Variants in KIDINS220 observed in about 807,000 individuals in gnomAD.
KIDINS220 encodes kinase D-interacting substrate of 220 kDa.
A neutral mutation model predicts 157.6 loss-of-function variants in KIDINS220; 63 were observed. The observed-to-expected ratio is 0.40, with a 90% confidence interval of 0.33 to 0.49. The LOEUF (loss-of-function observed/expected upper bound fraction) is 0.49, where lower values mean the gene tolerates loss of function less well. Among genes scored for constraint, KIDINS220 ranks in the 20% least tolerant of loss-of-function variants. The pLI, the probability that KIDINS220 is intolerant of heterozygous loss-of-function variation, is 0.66. For synonymous variants in KIDINS220, 732 were observed against 783.6 expected (o/e 0.93, Z 1.10); for missense variants, 1,772 against 2,171.2 (o/e 0.82, Z 3.65).
chr2:8,835,659 CAAAAA>C (rs56986834), intron 1 of KIDINS220, among the ~76,000 whole-genome samples: 1 of 87,264 alleles, frequency 1.1e-5, no homozygotes. Context: ...GACCCTGTCT[CAAAAA>C]AAAAAAAAAA....
chr2:8,724,987 A>C (rs1214042408), downstream of KIDINS220: 1 of 152,166 alleles, frequency 6.6e-6, no homozygotes, highest in East Asian at 1.9e-4. The surrounding 1 kb of genome is among the most constrained non-coding windows in gnomAD (Gnocchi z 4.6). Flanking sequence ...TTGGTCTAAA[A>C]GATATCTCGA....
intron 2 of KIDINS220, among the ~76,000 whole-genome samples, chr2:8,825,464 T>G (rs1235614279): frequency 6.6e-6 from 1 of 151,704 alleles, no homozygotes; most frequent in Non-Finnish European, 1.5e-5. Flanking sequence ...ATGGTTAAGA[T>G]AGTAAAGACA....
chr2:8,729,448 T>C lies in KIDINS220; in HGVS notation c.*1272A>G, dbSNP rs1035615046. 3.0e-6 allele frequency: 3 copies of C among 985,350 alleles called. No homozygotes were observed. Among genetic ancestry groups the C allele is most frequent in the African/African-American group, 1.7e-5 (1 of 57,266 alleles). The allele number at this position is 985,350 out of a possible 1,614,324, so 61.0% of individuals were successfully genotyped here. ...GAATTCATTCTACATAAATGAGCTA[T>C]GTTAAAACGATAACAATATTTCATT... On this transcript the variant is annotated 3_prime_UTR_variant, in exon 30 of 30. Transcript: ENST00000256707.
At chr2:8,820,049 C>A (rs866736721) in intron 2 of KIDINS220, among the ~76,000 whole-genome samples, 9 of 152,190 alleles carry the variant, frequency 5.9e-5, no homozygotes, top group Admixed American at 1.3e-4. Flanking sequence ...CTGCTTCAAA[C>A]CCTTCAATGT....
chr2:8,747,428 T>C, intron 25 of KIDINS220: 1 of 557,626 alleles, frequency 1.8e-6, no homozygotes. Context: ...TTTCTTAGAT[T>C]CAATAGTTCA....
Position 8,836,330 on chromosome 2 carries a change from T to A in KIDINS220, c.-37+1150A>T, listed in dbSNP as rs577318412. 2.6e-5 allele frequency among the ~76,000 whole-genome samples: 4 copies of A among 152,272 alleles called. No individual in the cohort carries two copies. The East Asian group carries it at 7.7e-4, about 29-fold the overall frequency. On this transcript the variant is annotated intron_variant, in intron 1 of 29. Coordinates refer to ENST00000256707, the MANE Select transcript of KIDINS220 (RefSeq NM_020738.4). ...TGAATTTGAAGTGTCCCAAAAGAAC[T>A]AGGTTGGAGAAACCCACCCAATACT...
chr2:8,782,908 A>C (rs1417175524), intron 17 of KIDINS220, among the ~76,000 whole-genome samples: 1 of 152,152 alleles, frequency 6.6e-6, no homozygotes, highest in Non-Finnish European at 1.5e-5. Flanking sequence ...ACTTCAACAG[A>C]CTAGGCTGGG....
chr2:8,786,136 A>T, intron 16 of KIDINS220, 70 bp downstream of exon 16: 1 of 1,592,118 alleles, frequency 6.3e-7, no homozygotes, highest in Non-Finnish European at 8.6e-7. Flanking sequence ...GTGTGTTTTC[A>T]TGAAAATAAA....
chr2:8,735,252 C>A (rs945553499), intron 27 of KIDINS220, among the ~76,000 whole-genome samples: 3 of 152,200 alleles, frequency 2.0e-5, no homozygotes, highest in African/African-American at 4.8e-5. Flanking sequence ...ATTCACAAGG[C>A]CCGGCGCGGT....
Position 8,733,615 on chromosome 2 carries a change from G to A in KIDINS220, c.3882C>T (p.Ser1294=). The A allele has an allele frequency of 6.2e-7, 1 of 1,612,164 alleles. No homozygotes were observed. The highest frequency in any genetic ancestry group is 1.1e-5 in the South Asian group (1 of 90,954). The change falls in exon 29 of 30, where the codon AGC becomes AGT. Residue 1294 remains serine, a synonymous_variant. Coordinates refer to ENST00000256707, the MANE Select transcript of KIDINS220 (RefSeq NM_020738.4). ...CACCGTGCGGGGCTGGGCCACTGCTGCTCTCACTGAGGAAACGTGGGTCTT... is the reference window on the plus strand; with the variant it reads ...CACCGTGCGGGGCTGGGCCACTGCTACTCTCACTGAGGAAACGTGGGTCTT... ...VPEDPRFLSE[S]SSGPAPHGEP... is the part of the protein sequence containing the mutation.
chr2:8,812,755 T>G (rs1181626896), intron 5 of KIDINS220, among the ~76,000 whole-genome samples: 1 of 152,162 alleles, frequency 6.6e-6, no homozygotes, highest in African/African-American at 2.4e-5. Flanking sequence ...AAATCTTAAG[T>G]AAACATATAT....
rs116289156 is a variant in KIDINS220 at position 8,761,636 on chromosome 2, A to G, written c.3011+9034T>C. ...CCATTTTTTTTTTTAACAACAACAAAAAAGGAAATTCAACCTTTCATTAAA... is the reference window on the plus strand; with the variant it reads ...CCATTTTTTTTTTTAACAACAACAAGAAAGGAAATTCAACCTTTCATTAAA... On this transcript the variant is annotated intron_variant, in intron 22 of 29. Transcript: ENST00000256707. Among the ~76,000 whole-genome samples, 253 of 152,260 alleles carry G rather than the reference A, an allele frequency of 1.7e-3. 2 individuals are homozygous for G. The highest frequency in any genetic ancestry group is 5.9e-3 in the African/African-American group (245 of 41,558).
intron 4 of KIDINS220, among the ~76,000 whole-genome samples, chr2:8,816,723 C>T (rs1376145239): frequency 6.6e-6 from 1 of 152,212 alleles, no homozygotes; most frequent in Non-Finnish European, 1.5e-5. Flanking sequence ...GCCTCAGTTA[C>T]TGACATCATT....
At chr2:8,726,953 A>C (rs1285652099), downstream of KIDINS220, 2 of 1,283,028 alleles carry the variant, frequency 1.6e-6, no homozygotes, top group Non-Finnish European at 2.0e-6. Flanking sequence ...CCTAGGCATG[A>C]AAGGGTTTAA....
chr2:8,815,485 T>C (rs1676942049), intron 4 of KIDINS220, among the ~76,000 whole-genome samples: 1 of 151,360 alleles, frequency 6.6e-6, no homozygotes, highest in Non-Finnish European at 1.5e-5. Context: ...CTGGCCAACA[T>C]GGTGAAATCC....
Position 8,785,860 on chromosome 2 carries a change from A to T in KIDINS220, c.2110T>A (p.Phe704Ile). The change falls in exon 17 of 30, where the codon TTT (phenylalanine) becomes ATT (isoleucine). Residue 704 changes from phenylalanine to isoleucine, a missense_variant. By Grantham distance (21) the Phe-to-Ile change is conservative (BLOSUM62 0). Around this residue, in one of 3 missense-constraint regions of KIDINS220, gnomAD observed 725 missense variants for 1,017.1 expected, o/e 0.71. Transcript: ENST00000256707. ...ISIASVVGLA[F>I]VLNCRTWWQV... ...CACCATGTACGACAGTTCAACACAA[A>T]GGCCAATCCCACTACAGATGCGATT... is the stretch of plus-strand genomic sequence containing the variant. 6.8e-6 allele frequency: 11 copies of T among 1,614,184 alleles called. No homozygotes were observed. The highest frequency in any genetic ancestry group is 9.3e-6 in the Non-Finnish European group (11 of 1,180,014).
chr2:8,783,903 G>A (rs1196090625), intron 17 of KIDINS220, among the ~76,000 whole-genome samples: 3 of 152,050 alleles, frequency 2.0e-5, no homozygotes, highest in African/African-American at 7.2e-5. Context: ...GAAAATCCCA[G>A]CAAGTTATTC....
chr2:8,762,075 T>C (rs144393012), intron 22 of KIDINS220, among the ~76,000 whole-genome samples: 2,577 of 152,318 alleles, frequency 0.017, 34 homozygotes, highest in Middle Eastern at 0.051. Flanking sequence ...TCTTACTATA[T>C]TATAAAATAA....
At chr2:8,826,769 A>C (rs2148434833) in intron 2 of KIDINS220, 1 of 309,820 alleles carries the variant, frequency 3.2e-6, no homozygotes, top group Non-Finnish European at 5.9e-6. Flanking sequence ...GGGAAAAAAA[A>C]CAATAAATCT....
Sources: allele counts gnomAD v4.1 joint callset (sites outside exome capture counted in the v4.1 genomes callset), GRCh38; gene constraint gnomAD v4.1.1; regional missense constraint gnomAD v4.1.1; non-coding constraint Gnocchi (gnomAD v3.1); transcripts MANE v1.5; gene names NCBI Gene and HGNC (gene_info 2026-07-23, HGNC 2026-07-21).